Variants in ZDHHC14 observed in about 807,000 individuals in gnomAD.
The protein encoded by ZDHHC14 is zDHHC palmitoyltransferase 14.
A neutral mutation model predicts 47.7 loss-of-function variants in ZDHHC14; 16 were observed. The observed-to-expected ratio is 0.34, with a 90% CI of 0.23 to 0.51. The LOEUF (loss-of-function observed/expected upper bound fraction) is 0.51. Among genes scored for constraint, ZDHHC14 ranks in the 20% least tolerant of loss-of-function variants. The pLI is 0.97. For synonymous variants in ZDHHC14, 293 were observed against 278.9 expected (o/e 1.05, Z -0.50); for missense variants, 515 against 662.5 (o/e 0.78, Z 2.44).
chr6:157,585,863 C>T (rs996526815), intron 2 of ZDHHC14, among the ~76,000 whole-genome samples: 6 of 152,214 alleles, frequency 3.9e-5, no homozygotes, highest in African/African-American at 1.2e-4. Flanking sequence ...GGAAAGGTGT[C>T]CTCTGCAAGT....
intron 1 of ZDHHC14, among the ~76,000 whole-genome samples, chr6:157,517,699 A>G (rs1416761882): frequency 6.6e-6 from 1 of 152,206 alleles, no homozygotes; most frequent in Non-Finnish European, 1.5e-5. Flanking sequence ...GAACTAAGCC[A>G]GCAGCCAGGT....
intron 1 of ZDHHC14, among the ~76,000 whole-genome samples, chr6:157,399,242 A>G (rs1231785209): frequency 1.3e-5 from 2 of 152,288 alleles, no homozygotes; most frequent in East Asian, 3.9e-4. Flanking sequence ...GAGTCAAGAA[A>G]TATTTACTGA....
chr6:157,574,377 C>T (rs1307393998), intron 2 of ZDHHC14, among the ~76,000 whole-genome samples: 2 of 152,100 alleles, frequency 1.3e-5, no homozygotes, highest in African/African-American at 2.4e-5. Context: ...CAGCCGAGAT[C>T]GCGCCACTGC....
chr6:157,615,714 AC>A (rs1784938860), intron 3 of ZDHHC14, among the ~76,000 whole-genome samples: 1 of 152,100 alleles, frequency 6.6e-6, no homozygotes, highest in Non-Finnish European at 1.5e-5. Flanking sequence ...GCAGCATCGC[AC>A]CCTAGGAACT....
chr6:157,565,023 T>C (rs1782848750), intron 2 of ZDHHC14, among the ~76,000 whole-genome samples: 1 of 152,144 alleles, frequency 6.6e-6, no homozygotes, highest in Non-Finnish European at 1.5e-5. Flanking sequence ...GGTGGGTGGA[T>C]CACTTGAGCT....
chr6:157,628,307 A>G, intron 3 of ZDHHC14, 42 bp from the exon 4 acceptor site: 1 of 1,570,936 alleles, frequency 6.4e-7, no homozygotes, highest in East Asian at 2.2e-5. Flanking sequence ...ACATTTTATT[A>G]ATTGATTTCC....
chr6:157,517,781 G>A (rs559828074), intron 1 of ZDHHC14, among the ~76,000 whole-genome samples: 6 of 152,348 alleles, frequency 3.9e-5, no homozygotes, highest in African/African-American at 7.2e-5. Flanking sequence ...CCATCTGGGC[G>A]CTGCCTGCAT....
intron 2 of ZDHHC14, among the ~76,000 whole-genome samples, chr6:157,571,553 G>A (rs991482474): frequency 1.3e-5 from 2 of 152,132 alleles, no homozygotes; most frequent in African/African-American, 2.4e-5. Context: ...TTTGGGTGAC[G>A]GGAGCATCTT....
At chr6:157,652,744 G>A (rs916314910) in intron 7 of ZDHHC14, among the ~76,000 whole-genome samples, 10 of 152,170 alleles carry the variant, frequency 6.6e-5, no homozygotes, top group African/African-American at 1.9e-4. Flanking sequence ...ACGGCCTGCC[G>A]GTCCTTGCCC....
intron 3 of ZDHHC14, among the ~76,000 whole-genome samples, chr6:157,608,218 C>G (rs193167615): frequency 6.6e-6 from 1 of 152,132 alleles, no homozygotes; most frequent in Non-Finnish European, 1.5e-5. Flanking sequence ...GTACCCAGAG[C>G]GAGAAGCACG....
In ZDHHC14 at chr6:157,647,462, C is replaced by A; in HGVS notation, c.965+94C>A. On this transcript the variant is annotated intron_variant, in intron 7 of 8. Transcript: ENST00000359775. The stretch of plus-strand genomic sequence containing the variant: ...GGCCGCCCGCCCTGGTGGAATGGGT[C>A]GCCGCCACCACGTGACCACTTTGTG... The A allele has an allele frequency of 3.5e-6, 3 of 867,638 alleles. No homozygotes were observed. The South Asian group carries it at 5.2e-5, about 15-fold the overall frequency. 53.7% of individuals were successfully genotyped at this position (867,638 alleles called of 1,614,324 possible).
chr6:157,518,617 G>A (rs930774759), intron 1 of ZDHHC14, among the ~76,000 whole-genome samples: 2 of 152,084 alleles, frequency 1.3e-5, no homozygotes, highest in Non-Finnish European at 2.9e-5. Context: ...GGCTCAGCTC[G>A]CCTGTCCCCG....
At chr6:157,601,275 C>T (rs1784327295) in intron 3 of ZDHHC14, among the ~76,000 whole-genome samples, 1 of 152,138 alleles carries the variant, frequency 6.6e-6, no homozygotes, top group African/African-American at 2.4e-5. Context: ...CCATGATTTA[C>T]ATTAAAATTA....
Position 157,640,079 on chromosome 6 carries a change from C to T in ZDHHC14, c.753-5658C>T, listed in dbSNP as rs1294716669. Reference sequence around the variant, plus strand: ...CCTTGGCTTCTCCGATTCGCGGAGGCCAAAACCCTCAGAAACACCTGCTGG... The same window carrying T: ...CCTTGGCTTCTCCGATTCGCGGAGGTCAAAACCCTCAGAAACACCTGCTGG... On this transcript the variant is annotated intron_variant, in intron 5 of 8. Transcript: ENST00000359775. 2.6e-5 allele frequency among the ~76,000 whole-genome samples: 4 copies of T among 152,288 alleles called. No individual in the cohort carries two copies. The East Asian group carries it at 7.7e-4, about 29-fold the overall frequency.
intron 1 of ZDHHC14, among the ~76,000 whole-genome samples, chr6:157,388,254 T>C (rs1030518985): frequency 2.6e-5 from 4 of 151,666 alleles, no homozygotes; most frequent in Non-Finnish European, 4.4e-5. Flanking sequence ...TACTATTGAC[T>C]ACACATGTTT....
chr6:157,636,877 G>T (rs577454224), intron 5 of ZDHHC14, among the ~76,000 whole-genome samples: 1 of 152,164 alleles, frequency 6.6e-6, no homozygotes, highest in East Asian at 1.9e-4. Context: ...ACATTTCTTC[G>T]GTGTGCCACT....
chr6:157,610,349 G>A lies in ZDHHC14; in HGVS notation c.565+17203G>A, dbSNP rs957961328. ...CGGGAGGCTGAGGCAGGAGAATAGC[G>A]TGAACCCGGGAGGCGGAGCTTGCAG... On this transcript the variant is annotated intron_variant, in intron 3 of 8. Coordinates refer to ENST00000359775, the MANE Select transcript of ZDHHC14 (RefSeq NM_024630.3). Among the ~76,000 whole-genome samples the A allele has an allele frequency of 4.6e-5, 7 of 152,052 alleles. No homozygotes were observed. The East Asian group carries it at 5.8e-4, about 13-fold the overall frequency.
chr6:157,673,962 C>T lies in ZDHHC14; in HGVS notation c.*840C>T, dbSNP rs1466520721. On this transcript the variant is annotated 3_prime_UTR_variant, in exon 9 of 9. Transcript: ENST00000359775. The surrounding 1 kb of genome is among the most constrained non-coding windows in gnomAD (Gnocchi z 5.4). ...TATTTTGGATCTGCGTACGGTTATC[C>T]TTAATAGCATAAATGAAAACAAAGT... 6.6e-6 allele frequency: 1 copy of T among 152,590 alleles called. No homozygotes were observed. Among genetic ancestry groups the T allele is most frequent in the East Asian group, 1.9e-4 (1 of 5,200 alleles). 9.5% of individuals were successfully genotyped at this position (152,590 alleles called of 1,614,324 possible).
At chr6:157,510,199 G>T (rs184951681) in intron 1 of ZDHHC14, among the ~76,000 whole-genome samples, 1 of 152,136 alleles carries the variant, frequency 6.6e-6, no homozygotes, top group Non-Finnish European at 1.5e-5. Context: ...GGCCCAGATC[G>T]CGCCACTGCA....
Sources: allele counts gnomAD v4.1 joint callset (sites outside exome capture counted in the v4.1 genomes callset), GRCh38; gene constraint gnomAD v4.1.1; non-coding constraint Gnocchi (gnomAD v3.1); transcripts MANE v1.5; gene names NCBI Gene and HGNC (gene_info 2026-07-23, HGNC 2026-07-21).